The following UBA1 variants were observed in gnomAD, a reference collection of about 807,000 sequenced individuals.
The protein encoded by UBA1 is ubiquitin like modifier activating enzyme 1.
UBA1 carries 4 observed loss-of-function variants against 84.7 expected under a neutral mutation model. That is an observed-to-expected ratio of 0.05 (90% confidence interval 0.02 to 0.11). The LOEUF (loss-of-function observed/expected upper bound fraction) is 0.11. Among genes scored for constraint, UBA1 ranks in the 10% least tolerant of loss-of-function variants. UBA1 has a pLI of 1.00. For missense variants in UBA1, 513 were observed against 902.8 expected, an observed-to-expected ratio of 0.57 and a Z score of 5.53; for synonymous variants, 364 against 362.6, an observed-to-expected ratio of 1.00 and a Z score of -0.04.
chrX:47,197,841 A>AT (rs1936257692), intron 1 of UBA1: 1 of 556,908 alleles, frequency 1.8e-6, no homozygotes, highest in Non-Finnish European at 2.2e-6. Flanking sequence ...CCCTGAGTGA[A>AT]TTTTTTTCCA....
At chrX:47,209,714 C>G (rs1556792756) in intron 17 of UBA1, 27 bp downstream of exon 17, 1 of 1,196,298 alleles carries the variant, frequency 8.4e-7, no homozygotes, top group African/African-American at 1.7e-5. Flanking sequence ...CCCTCTCGCC[C>G]TGTCCCTGTC....
Position 47,211,127 on chromosome X carries a change from C to A in UBA1, c.2366C>A (p.Thr789Lys). 1 of 1,211,961 alleles carries A rather than the reference C, an allele frequency of 8.3e-7. No individual in the cohort carries two copies. Among genetic ancestry groups the A allele is most frequent in the Non-Finnish European group, 1.1e-6 (1 of 895,577 alleles). Residue 789 changes from threonine to lysine, a missense_variant, in exon 20 of 26, where the codon ACA becomes AAA. Coordinates refer to ENST00000335972, the MANE Select transcript of UBA1 (RefSeq NM_003334.4). ...TGSQDRAAVA[T>K]FLQSVQVPEF... ...TCTCAGGACCGAGCTGCTGTGGCCA[C>A]ATTCCTGCAGTCTGTGCAGGTCCCC... is the stretch of plus-strand genomic sequence containing the variant.
At chrX:47,207,362 T>C (rs1936719827) in intron 16 of UBA1, among the ~76,000 whole-genome samples, 1 of 111,819 alleles carries the variant, frequency 8.9e-6, no homozygotes, top group African/African-American at 3.3e-5. Context: ...AATATACTAA[T>C]ACTAACGATA....
intron 2 of UBA1, 45 bp from the exon 3 acceptor site, chrX:47,199,003 A>T: frequency 8.3e-7 from 1 of 1,206,282 alleles, no homozygotes; most frequent in East Asian, 3.0e-5. Context: ...TCCATGCTCC[A>T]CTCCTGTGTG....
intron 1 of UBA1, among the ~76,000 whole-genome samples, chrX:47,195,143 C>T (rs1602618299): frequency 8.9e-6 from 1 of 112,139 alleles, no homozygotes; most frequent in Non-Finnish European, 1.9e-5. Flanking sequence ...TTTCAAGGTC[C>T]CTAACGTCTG....
Position 47,206,044 on chromosome X carries a change from C to T in UBA1, c.1672C>T (p.Arg558Cys), listed in dbSNP as rs1936659923. The part of the protein sequence containing the change: ...HQNRVGPDTE[R>C]IYDDDFFQNL... ...GAACCGTGTGGGTCCTGACACGGAGCGCATCTATGATGACGATTTTTTCCA... is the reference window on the plus strand; with the variant it reads ...GAACCGTGTGGGTCCTGACACGGAGTGCATCTATGATGACGATTTTTTCCA... The change falls in exon 15 of 26, where the codon CGC (arginine) becomes TGC (cysteine). Residue 558 changes from arginine to cysteine, a missense_variant. Physicochemically the swap from Arg to Cys is radical, Grantham distance 180 (BLOSUM62 -3). This residue lies in a region of UBA1 where 55 missense variants were observed against 104.8 expected (regional missense o/e 0.52). Transcript: ENST00000335972. The T allele has an allele frequency of 1.7e-6, 2 of 1,204,880 alleles. No homozygotes were observed. Among genetic ancestry groups the T allele is most frequent in the South Asian group, 1.8e-5 (1 of 55,640 alleles).
Position 47,211,125 on chromosome X carries a change from C to G in UBA1, c.2364C>G (p.Ala788=). ...GCTCTCAGGACCGAGCTGCTGTGGCCACATTCCTGCAGTCTGTGCAGGTCC... is the reference window on the plus strand; with the variant it reads ...GCTCTCAGGACCGAGCTGCTGTGGCGACATTCCTGCAGTCTGTGCAGGTCC... ...LTGSQDRAAV[A]TFLQSVQVPE... Residue 788 remains alanine (A), a synonymous_variant, in exon 20 of 26, where the codon GCC becomes GCG. Transcript: ENST00000335972. The G allele has an allele frequency of 8.3e-7, 1 of 1,211,843 alleles. No homozygotes were observed. The highest frequency in any genetic ancestry group is 1.1e-6 in the Non-Finnish European group (1 of 895,598).
chrX:47,201,826 G>T (rs1936428022), intron 8 of UBA1, among the ~76,000 whole-genome samples: 1 of 111,889 alleles, frequency 8.9e-6, no homozygotes, highest in African/African-American at 3.3e-5. Flanking sequence ...GGGAGAATGT[G>T]TCCCTGGTAT....
chrX:47,196,659 C>T (rs1936215950), intron 1 of UBA1, among the ~76,000 whole-genome samples: 1 of 111,447 alleles, frequency 9.0e-6, no homozygotes, highest in African/African-American at 3.3e-5. Context: ...AGGGCTGTTC[C>T]AAACCTTTGC....
At chrX:47,205,641 C>T (rs1216060977) in intron 14 of UBA1, 7 of 367,433 alleles carry the variant, frequency 1.9e-5, no homozygotes, top group African/African-American at 1.8e-4. Flanking sequence ...GGTCTTTGAG[C>T]TCAGGAGTTC....
chrX:47,203,363 C>T (rs1487541882), intron 13 of UBA1, 149 bp downstream of exon 13: 12 of 828,956 alleles, frequency 1.4e-5, no homozygotes, highest in Non-Finnish European at 7.1e-6. Context: ...TCCCTCGTTT[C>T]CCCTTCTGGT....
intron 23 of UBA1, among the ~76,000 whole-genome samples, chrX:47,213,424 C>T (rs1307458799): frequency 1.8e-5 from 2 of 112,308 alleles, no homozygotes; most frequent in Non-Finnish European, 3.8e-5. Flanking sequence ...ATTTATTGGA[C>T]GCTTCCTACA....
At position 47,199,516 on chromosome X, in the gene UBA1, G is replaced by A. The variant is rs1936326306; in HGVS notation, c.382G>A (p.Ala128Thr). Residue 128 changes from alanine (A) to threonine (T), a missense_variant, in exon 5 of 26, where the codon GCC becomes ACC. By Grantham distance (58) the Ala-to-Thr change is moderately conservative. Transcript: ENST00000335972. ...LREEDIGKNR[A>T]EVSQPRLAEL... ...GGAGGAGGACATCGGTAAAAACCGG[G>A]CCGAGGTATCACAGCCCCGCCTCGC... is the stretch of plus-strand genomic sequence containing the variant. 3 of 1,211,826 alleles carry A rather than the reference G, an allele frequency of 2.5e-6. No individual in the cohort carries two copies. In the East Asian group the frequency reaches 8.9e-5, roughly 36 times the overall value.
chrX:47,200,916 C>A lies in UBA1; in HGVS notation c.503C>A (p.Pro168His). The A allele has an allele frequency of 8.3e-7, 1 of 1,200,865 alleles. No homozygotes were observed. Among genetic ancestry groups the A allele is most frequent in the Non-Finnish European group, 1.1e-6 (1 of 890,027 alleles). Residue 168 changes from proline to histidine, a missense_variant, in exon 6 of 26, where the codon CCC (proline) becomes CAC (histidine). Physicochemically the swap from Pro to His is moderately conservative, Grantham distance 77 (BLOSUM62 -2). Transcript: ENST00000335972. ...CAGGTGGTGGTGCTCACCAACACCC[C>A]CCTGGAGGACCAGCTGCGAGTGGGT... is the stretch of plus-strand genomic sequence containing the variant. ...GFQVVVLTNT[P>H]LEDQLRVGEF...
At chrX:47,208,324 CGT>C (rs71925003) in intron 16 of UBA1, among the ~76,000 whole-genome samples, 38,203 of 107,129 alleles carry the variant, frequency 0.36, 5,117 homozygotes, top group South Asian at 0.57. Context: ...AGTGTGTGTA[CGT>C]GTGTGTGTGT....
At position 47,203,205 on chromosome X, in the gene UBA1, G is replaced by T. The variant is rs782466449; in HGVS notation, c.1410G>T (p.Lys470Asn). 8.3e-7 allele frequency: 1 copy of T among 1,211,806 alleles called. No individual in the cohort carries two copies. The highest frequency in any genetic ancestry group is 1.7e-5 in the African/African-American group (1 of 57,891). Residue 470 changes from lysine (K) to asparagine (N), a missense_variant, in exon 13 of 26, where the codon AAG (lysine) becomes AAT (asparagine). Lys to Asn is a moderately conservative substitution (Grantham distance 94, BLOSUM62 0). Coordinates refer to ENST00000335972, the MANE Select transcript of UBA1 (RefSeq NM_003334.4). Reference sequence around the variant, plus strand: ...TGCAAGAGAAGCTGGGCAAGCAGAAGTATTTCCTGGTAAGTGGTCCCCTTG... The same window carrying T: ...TGCAAGAGAAGCTGGGCAAGCAGAATTATTTCCTGGTAAGTGGTCCCCTTG... Reference protein sequence around the residue: ...SDLQEKLGKQKYFLVGAGAIG... With the variant: ...SDLQEKLGKQNYFLVGAGAIG...
intron 5 of UBA1, among the ~76,000 whole-genome samples, chrX:47,200,476 A>T (rs1987748965): frequency 8.9e-6 from 1 of 112,146 alleles, no homozygotes; most frequent in African/African-American, 3.2e-5. Context: ...GGAAGGATGG[A>T]CATTCAGGCA....
chrX:47,210,584 C>G (rs1936875059), intron 18 of UBA1, among the ~76,000 whole-genome samples: 1 of 111,738 alleles, frequency 8.9e-6, no homozygotes, highest in Non-Finnish European at 1.9e-5. Flanking sequence ...CCTGGTAATC[C>G]ATGAGAGTTT....
intron 16 of UBA1, chrX:47,209,174 TGAGACAG>T: frequency 6.4e-6 from 2 of 311,180 alleles, no homozygotes; most frequent in Non-Finnish European, 1.1e-5. Flanking sequence ...TTTCTTTTTT[TGAGACAG>T]TCTTCCTCTG....
Sources: allele counts gnomAD v4.1 joint callset (sites outside exome capture counted in the v4.1 genomes callset), GRCh38; gene constraint gnomAD v4.1.1; regional missense constraint gnomAD v4.1.1; transcripts MANE v1.5; gene names NCBI Gene and HGNC (gene_info 2026-07-23, HGNC 2026-07-21).